UTRN: variants seen among roughly 807,000 people sequenced by gnomAD.
The protein encoded by UTRN is utrophin.
UTRN carries 283 observed loss-of-function variants against 463.9 expected under a neutral mutation model. The ratio of observed to expected loss-of-function variants is 0.61; its 90% confidence interval spans 0.55 to 0.67. The LOEUF is 0.67. Ranked by LOEUF, UTRN falls within the 30% of genes least tolerant of loss-of-function variation. UTRN has a pLI of 0.00. For missense variants in UTRN, 3,922 were observed against 4,084.3 expected (o/e 0.96, Z 1.08); for synonymous variants, 1,442 against 1,431.5 (o/e 1.01, Z -0.17).
chr6:144,809,472 A>AG lies in UTRN; in HGVS notation c.9357+6327dup, dbSNP rs145004474. ...GTATCCTCATGCTGAAGAAATCCCAAGGTGGGATAAAGGGCTAGACGTCAA... is the reference window on the plus strand; with the variant it reads ...GTATCCTCATGCTGAAGAAATCCCAAGGGTGGGATAAAGGGCTAGACGTCAA... On this transcript the variant is annotated intron_variant, in intron 65 of 74. Coordinates refer to ENST00000367545, the MANE Select transcript of UTRN (RefSeq NM_007124.3). Among the ~76,000 whole-genome samples, 1,192 of 152,264 alleles carry AG rather than the reference A, an allele frequency of 7.8e-3. 18 individuals are homozygous for AG. The highest frequency in any genetic ancestry group is 0.026 in the African/African-American group (1,078 of 41,562).
At chr6:144,846,108 C>T (rs544437446) in intron 73 of UTRN, among the ~76,000 whole-genome samples, 16 of 152,306 alleles carry the variant, frequency 1.1e-4, no homozygotes, top group African/African-American at 3.8e-4. Context: ...AAGCAGATGC[C>T]TTAGAGAAGA....
intron 25 of UTRN, among the ~76,000 whole-genome samples, chr6:144,477,171 T>C (rs1368776531): frequency 6.6e-6 from 1 of 152,176 alleles, no homozygotes; most frequent in Non-Finnish European, 1.5e-5. Flanking sequence ...CTGGGAGGTA[T>C]TCTTTCCCAA....
At chr6:144,430,968 A>C (rs1346637950) in intron 9 of UTRN, among the ~76,000 whole-genome samples, 1 of 152,192 alleles carries the variant, frequency 6.6e-6, no homozygotes, top group African/African-American at 2.4e-5. Context: ...TTGAGAAATG[A>C]GGCCTGATTG....
intron 63 of UTRN, among the ~76,000 whole-genome samples, chr6:144,795,022 G>C (rs1777085978): frequency 6.6e-6 from 1 of 151,886 alleles, no homozygotes; most frequent in African/African-American, 2.4e-5. Flanking sequence ...CCCTCCCCTA[G>C]TCCCCCACCC....
intron 51 of UTRN, among the ~76,000 whole-genome samples, chr6:144,647,842 C>T (rs1778436510): frequency 6.6e-6 from 1 of 152,176 alleles, no homozygotes; most frequent in South Asian, 2.1e-4. Context: ...ATAATACTTT[C>T]ATATGTATTT....
intron 34 of UTRN, among the ~76,000 whole-genome samples, chr6:144,508,253 G>T (rs1201004964): frequency 6.6e-6 from 1 of 151,728 alleles, no homozygotes; most frequent in Non-Finnish European, 1.5e-5. Flanking sequence ...GAATGGTTCT[G>T]TCTTGCTGGT....
chr6:144,610,573 G>T (rs9497019), intron 51 of UTRN, among the ~76,000 whole-genome samples: 10,458 of 152,116 alleles, frequency 0.069, 742 homozygotes, highest in African/African-American at 0.18. Flanking sequence ...TACAAAGCTA[G>T]CAATACAAAA....
chr6:144,687,725 T>A (rs538505492), intron 52 of UTRN, among the ~76,000 whole-genome samples: 17 of 152,234 alleles, frequency 1.1e-4, no homozygotes, highest in African/African-American at 4.1e-4. Flanking sequence ...CTGCTGTTCA[T>A]TCGATAAGTT....
intron 51 of UTRN, chr6:144,660,192 C>T (rs1226524054): frequency 1.3e-5 from 6 of 470,308 alleles, no homozygotes; most frequent in East Asian, 6.9e-5. Context: ...GGAAGTTTGC[C>T]GGAAAGATGT....
In UTRN at chr6:144,359,169, G is replaced by A. The variant is rs957228580; in HGVS notation, c.80-43954G>A. On this transcript the variant is annotated intron_variant, in intron 2 of 74. Transcript: ENST00000367545. ...GGATTATATGAGGGGATAGATATAA[G>A]GCAGGTTTGTCCACCGTGAGACAGT... Among the ~76,000 whole-genome samples the A allele has an allele frequency of 1.6e-4, 24 of 152,164 alleles. 1 individual carries two copies. Among genetic ancestry groups the A allele is most frequent in the Non-Finnish European group, 5.9e-5 (4 of 68,028 alleles).
At position 144,485,468 on chromosome 6, in the gene UTRN, G is replaced by A. The variant is rs114468544; in HGVS notation, c.3771G>A (p.Lys1257=). 5,044 of 1,614,132 alleles carry A rather than the reference G, an allele frequency of 3.1e-3. 228 individuals carry two copies. The East Asian group carries it at 0.096, about 31-fold the overall frequency. The part of the protein sequence containing the change: ...TWLNTLEERM[K]STEVLPEKTD... Reference sequence around the variant, plus strand: ...TAAACACTTTGGAAGAGCGGATGAAGAGCACAGAGGTCCTGCCTGAGAAGA... The same window carrying A: ...TAAACACTTTGGAAGAGCGGATGAAAAGCACAGAGGTCCTGCCTGAGAAGA... Residue 1257 remains lysine (K), a synonymous_variant, in exon 28 of 75, where the codon AAG becomes AAA. Transcript: ENST00000367545.
intron 54 of UTRN, among the ~76,000 whole-genome samples, chr6:144,742,954 A>G (rs1365764070): frequency 1.3e-5 from 2 of 152,250 alleles, no homozygotes; most frequent in Non-Finnish European, 2.9e-5. Flanking sequence ...TGGAATTACC[A>G]TACCTGAAAT....
chr6:144,424,388 A>C (rs1372466262), intron 6 of UTRN, among the ~76,000 whole-genome samples: 1 of 152,126 alleles, frequency 6.6e-6, no homozygotes, highest in Non-Finnish European at 1.5e-5. Context: ...CCCTGTGTGC[A>C]TATCTGTCAA....
intron 59 of UTRN, among the ~76,000 whole-genome samples, 160 bp downstream of exon 59, chr6:144,772,128 G>T (rs1178059274): frequency 2.9e-5 from 4 of 139,418 alleles, no homozygotes; most frequent in African/African-American, 1.1e-4. Context: ...CTGCCTCCCG[G>T]ATTCAAGCAA....
chr6:144,742,547 T>C lies in UTRN; in HGVS notation c.7940-5699T>C, dbSNP rs1168918510. ...GAGAGAGCAAGTCAAGTCTTTTCCT[T>C]TGAGTTCTTATTGGCTAATCAACCT... On this transcript the variant is annotated intron_variant, in intron 54 of 74. Coordinates refer to ENST00000367545, the MANE Select transcript of UTRN (RefSeq NM_007124.3). 1.3e-5 allele frequency among the ~76,000 whole-genome samples: 2 copies of C among 152,152 alleles called. 1 individual carries two copies. The highest frequency in any genetic ancestry group is 4.8e-5 in the African/African-American group (2 of 41,436).
chr6:144,758,822 A>G (rs2128726682), intron 58 of UTRN, among the ~76,000 whole-genome samples: 1 of 152,208 alleles, frequency 6.6e-6, no homozygotes, highest in African/African-American at 2.4e-5. Context: ...CAGCATCATA[A>G]TCATGACAAC....
At chr6:144,346,344 ATG>A (rs1462034026) in intron 2 of UTRN, among the ~76,000 whole-genome samples, 1 of 152,156 alleles carries the variant, frequency 6.6e-6, no homozygotes, top group Non-Finnish European at 1.5e-5. Context: ...TAAAATTAAA[ATG>A]TATTTCAGTG....
intron 3 of UTRN, among the ~76,000 whole-genome samples, chr6:144,421,069 C>A (rs61170991): frequency 6.6e-6 from 1 of 152,134 alleles, no homozygotes; most frequent in Non-Finnish European, 1.5e-5. Flanking sequence ...TGCAGTGGCA[C>A]GATCTTGGCT....
At chr6:144,557,349 A>C (rs1562570333) in intron 50 of UTRN, 38 bp downstream of exon 50, 5 of 1,578,462 alleles carry the variant, frequency 3.2e-6, no homozygotes, top group Non-Finnish European at 4.3e-6. Flanking sequence ...GTATATTGTC[A>C]AGTTGAGAAT....
Sources: gnomAD v4.1 joint callset for allele counts (sites outside exome capture counted in the v4.1 genomes callset) on GRCh38, gnomAD v4.1.1 for gene constraint, MANE v1.5 for transcripts, NCBI Gene and HGNC (gene_info 2026-07-23, HGNC 2026-07-21) for gene names.